Variants in RHBG observed in about 807,000 individuals in gnomAD.
RHBG encodes Rh family B glycoprotein, also known as ammonium transporter Rh type B.
Under a neutral mutation model 40.1 loss-of-function variants are expected in RHBG, and 39 were observed. That is an observed-to-expected ratio of 0.97 (90% CI 0.75 to 1.27). The LOEUF (loss-of-function observed/expected upper bound fraction) is 1.27. RHBG is among the 50% of genes most tolerant of loss of function. RHBG has a pLI of 0.00. For missense variants in RHBG, 549 were observed against 588.1 expected (o/e 0.93, Z 0.69); for synonymous variants, 237 against 252.5 (o/e 0.94, Z 0.58).
In RHBG at chr1:156,384,739, G is replaced by A. The variant is rs557580701; in HGVS notation, c.1309-38G>A. ...CTGAACTGTGGCTTCCAGGCTCCTG[G>A]AGCTACCCTTTCACCTCTACCCACT... On this transcript the variant is annotated intron_variant, in intron 9 of 9. Coordinates refer to ENST00000537040, the MANE Select transcript of RHBG (RefSeq NM_020407.5). 5 of 1,605,446 alleles carry A rather than the reference G, an allele frequency of 3.1e-6. No individual in the cohort carries two copies. The Admixed American group carries it at 8.4e-5, about 27-fold the overall frequency.
At chr1:156,380,118 T>C (rs564813380) in intron 4 of RHBG, among the ~76,000 whole-genome samples, 5 of 131,552 alleles carry the variant, frequency 3.8e-5, no homozygotes, top group East Asian at 2.3e-4. Context: ...TTTTCTTTTT[T>C]TTTTTTTTTT....
In RHBG at chr1:156,379,643, G is replaced by A. The variant is rs12409830; in HGVS notation, c.673+1244G>A. The stretch of plus-strand genomic sequence containing the variant: ...AGCTCCTGGATTTTAGTGTCACCCA[G>A]ACAGGAATGAGGCCCCTTCCTGGAT... On this transcript the variant is annotated intron_variant, in intron 4 of 9. Transcript: ENST00000537040. Among the ~76,000 whole-genome samples, 2,435 of 152,226 alleles carry A rather than the reference G, an allele frequency of 0.016. 155 individuals carry two copies. In the East Asian group the frequency reaches 0.21, roughly 13 times the overall value.
At chr1:156,371,665 C>T (rs915306299) in intron 1 of RHBG, 1 of 154,110 alleles carries the variant, frequency 6.5e-6, no homozygotes, top group African/African-American at 2.4e-5. Flanking sequence ...ATCCACAGCC[C>T]TGGCTAGAAA....
At position 156,381,940 on chromosome 1, in the gene RHBG, C is replaced by T. The variant is rs745991360; in HGVS notation, c.975C>T (p.Phe325=). The change falls in exon 6 of 10, where the codon TTC becomes TTT. Residue 325 remains phenylalanine (F), a synonymous_variant. Coordinates refer to ENST00000537040, the MANE Select transcript of RHBG (RefSeq NM_020407.5). ...TCTCCACGCTGGGGTACAAGTTCTT[C>T]ACGGTATAGATGCCTCTTGGAGCCT... ...GTVSTLGYKF[F]TPILESKFKV... is the part of the protein sequence containing the mutation. The T allele has an allele frequency of 6.2e-7, 1 of 1,612,194 alleles. No individual in the cohort carries two copies. Among genetic ancestry groups the T allele is most frequent in the East Asian group, 2.2e-5 (1 of 44,870 alleles).
chr1:156,378,474 C>T lies in RHBG; in HGVS notation c.673+75C>T, dbSNP rs371596072. 5 of 1,501,716 alleles carry T rather than the reference C, an allele frequency of 3.3e-6. No homozygotes were observed. The East Asian group carries it at 9.2e-5, about 27-fold the overall frequency. 93.0% of individuals were successfully genotyped at this position (1,501,716 alleles called of 1,614,324 possible). On this transcript the variant is annotated intron_variant, in intron 4 of 9. Coordinates refer to ENST00000537040, the MANE Select transcript of RHBG (RefSeq NM_020407.5). ...TCATCTGGGCCAGAGGTGACTGTCTCTCGGGGTGCTGACTGCAGTCCTGGG... is the reference window on the plus strand; with the variant it reads ...TCATCTGGGCCAGAGGTGACTGTCTTTCGGGGTGCTGACTGCAGTCCTGGG...
rs375863078 is a variant in RHBG at position 156,374,466 on chromosome 1, C to G, written c.188-2835C>G. On this transcript the variant is annotated intron_variant, in intron 1 of 9. Transcript: ENST00000537040. ...TTCTACTTTTTACTTCTAATGAGAG[C>G]AACTTTTTTTTAGCTTCCACATATG... The G allele has an allele frequency of 2.0e-3, 591 of 301,950 alleles. 10 individuals are homozygous for G. Among genetic ancestry groups the G allele is most frequent in the South Asian group, 0.013 (528 of 40,022 alleles). The allele number at this position is 301,950 out of a possible 1,614,324, so 18.7% of individuals were successfully genotyped here.
chr1:156,369,970 A>G (rs1666729205), intron 1 of RHBG, among the ~76,000 whole-genome samples: 1 of 152,062 alleles, frequency 6.6e-6, no homozygotes, highest in African/African-American at 2.4e-5. Context: ...ACCAGTTGGG[A>G]TCAGGCATTT....
chr1:156,371,864 C>G (rs1264381534), intron 1 of RHBG: 3 of 152,264 alleles, frequency 2.0e-5, no homozygotes, highest in Non-Finnish European at 2.9e-5. Flanking sequence ...CTTGGACATA[C>G]AGCATTTCAT....
Position 156,378,108 on chromosome 1 carries a change from A to G in RHBG, c.493A>G (p.Ile165Val), listed in dbSNP as rs768844225. The change falls in exon 3 of 10, where the codon ATC becomes GTC. Residue 165 changes from isoleucine (I) to valine (V), a missense_variant. By Grantham distance (29) the Ile-to-Val change is conservative. Around this residue, in one of 3 missense-constraint regions of RHBG, gnomAD observed 399 missense variants for 417.0 expected, o/e 0.96. Coordinates refer to ENST00000537040, the MANE Select transcript of RHBG (RefSeq NM_020407.5). ...CCTGCTGGAGGTGGTGCTGTTTGGC[A>G]TCAATGAGTTTGTGCTCCTTCATCT... is the stretch of plus-strand genomic sequence containing the variant. ...MALLEVVLFGINEFVLLHLLG... is the reference protein window; with the variant it reads ...MALLEVVLFGVNEFVLLHLLG... The G allele has an allele frequency of 1.9e-6, 3 of 1,611,376 alleles. No homozygotes were observed. The highest frequency in any genetic ancestry group is 2.7e-5 in the African/African-American group (2 of 74,510).
chr1:156,376,556 G>A (rs1225756349), intron 1 of RHBG, among the ~76,000 whole-genome samples: 1 of 152,116 alleles, frequency 6.6e-6, no homozygotes, highest in African/African-American at 2.4e-5. Flanking sequence ...TAGAGACCGG[G>A]TTTCGCCATG....
chr1:156,384,790 A>T lies in RHBG; in HGVS notation c.1322A>T (p.His441Leu), dbSNP rs1239875363. Residue 441 changes from histidine (H) to leucine (L), a missense_variant, in exon 10 of 10, where the codon CAT (histidine) becomes CTT (leucine). His to Leu is a moderately conservative substitution (Grantham distance 99). Transcript: ENST00000537040. ...CCTGCCTTCCAGGTGCCTGGCGAGC[A>T]TGAGGATAAAGCCCAGAGACCTCTG... The part of the protein sequence containing the change: ...DQVHWQVPGE[H>L]EDKAQRPLRV... 6.2e-7 allele frequency: 1 copy of T among 1,613,930 alleles called. No individual in the cohort carries two copies. The highest frequency in any genetic ancestry group is 1.7e-5 in the Admixed American group (1 of 59,988).
rs954730318 is a variant in RHBG, at chr1:156,381,599, G to A, written c.840+86G>A. ...TGAGACCCTCAAGAAAGATTCTCCCGGGGAACAGATAAGGGCACAGGCATA... is the reference window on the plus strand; with the variant it reads ...TGAGACCCTCAAGAAAGATTCTCCCAGGGAACAGATAAGGGCACAGGCATA... On this transcript the variant is annotated intron_variant, in intron 5 of 9. Coordinates refer to ENST00000537040, the MANE Select transcript of RHBG (RefSeq NM_020407.5). 39 of 1,489,298 alleles carry A rather than the reference G, an allele frequency of 2.6e-5. 1 individual carries two copies. The highest frequency in any genetic ancestry group is 8.4e-5 in the African/African-American group (6 of 71,212). The allele number at this position is 1,489,298 out of a possible 1,614,324, so 92.3% of individuals were successfully genotyped here.
intron 5 of RHBG, 51 bp from the exon 6 acceptor site, chr1:156,381,755 C>G (rs1667653690): frequency 5.8e-6 from 9 of 1,549,270 alleles, no homozygotes; most frequent in Non-Finnish European, 7.8e-6. Flanking sequence ...GGTTGGGTTG[C>G]TGTGGGTGTG....
intron 1 of RHBG, among the ~76,000 whole-genome samples, chr1:156,376,366 A>ATT (rs5777980): frequency 0.23 from 33,619 of 143,452 alleles, 4,088 homozygotes; most frequent in East Asian, 0.34. Flanking sequence ...TATTTCCTAA[A>ATT]TTTTTTTTTT....
chr1:156,383,249 C>CA (rs1211596926), intron 8 of RHBG, among the ~76,000 whole-genome samples: 2 of 152,218 alleles, frequency 1.3e-5, no homozygotes. Context: ...GACCCCAGTG[C>CA]GAAAACCTTC....
At chr1:156,371,289 A>C (rs1666845077) in intron 1 of RHBG, 1 of 317,970 alleles carries the variant, frequency 3.1e-6, no homozygotes, top group African/African-American at 2.3e-5. Flanking sequence ...CCTCCCGAGA[A>C]GCTGGGATTA....
chr1:156,382,013 G>C (rs1461964804), intron 6 of RHBG, 55 bp from the exon 7 acceptor site: 1 of 1,608,952 alleles, frequency 6.2e-7, no homozygotes, highest in Admixed American at 1.7e-5. Context: ...CTCTCCAACA[G>C]GATGAGGTGG....
rs74443385 is a variant in RHBG at position 156,377,596 on chromosome 1, T to A, written c.374+109T>A. ...AAGTCTGCTTCCTGACTCACGATTCTGGGCGTCACTTGGTTTCTCTAGGTG... is the reference window on the plus strand; with the variant it reads ...AAGTCTGCTTCCTGACTCACGATTCAGGGCGTCACTTGGTTTCTCTAGGTG... On this transcript the variant is annotated intron_variant, in intron 2 of 9. Transcript: ENST00000537040. This position sits in a 1 kb window ranked among gnomAD's most constrained non-coding sequence, Gnocchi z 4.6. 1.5e-5 allele frequency: 18 copies of A among 1,192,012 alleles called. No individual in the cohort carries two copies. In the East Asian group the frequency reaches 4.5e-4, roughly 30 times the overall value. The allele number at this position is 1,192,012 out of a possible 1,614,324, so 73.8% of individuals were successfully genotyped here.
chr1:156,382,280 C>T, intron 7 of RHBG, 79 bp downstream of exon 7: 8 of 1,587,388 alleles, frequency 5.0e-6, no homozygotes, highest in Non-Finnish European at 6.9e-6. Flanking sequence ...TGTGTGTGAC[C>T]AAGAAAAAAG....
Sources: gnomAD v4.1 joint callset for allele counts (sites outside exome capture counted in the v4.1 genomes callset) on GRCh38, gnomAD v4.1.1 for gene constraint, gnomAD v4.1.1 regional missense constraint, Gnocchi (gnomAD v3.1) non-coding constraint, MANE v1.5 for transcripts, NCBI Gene and HGNC (gene_info 2026-07-23, HGNC 2026-07-21) for gene names.